Variants in BIRC6 observed in about 807,000 individuals in gnomAD.
BIRC6 encodes the protein baculoviral IAP repeat containing 6.
In BIRC6, 98 loss-of-function variants were observed where a neutral mutation model predicts 503.3. The ratio of observed to expected loss-of-function variants is 0.19; its 90% confidence interval spans 0.17 to 0.23. The LOEUF (loss-of-function observed/expected upper bound fraction) is 0.23, where lower values mean the gene tolerates loss of function less well. BIRC6 is among the 10% of genes least tolerant of loss of function. The pLI, the probability that BIRC6 is intolerant of heterozygous loss-of-function variation, is 1.00. For synonymous variants in BIRC6, 2,240 were observed against 2,078.7 expected (o/e 1.08, Z -2.11); for missense variants, 5,360 against 5,806.0 (o/e 0.92, Z 2.50).
intron 71 of BIRC6, among the ~76,000 whole-genome samples, chr2:32,606,185 T>C (rs1249423645): frequency 2.0e-5 from 3 of 152,228 alleles, no homozygotes; most frequent in East Asian, 1.9e-4. Flanking sequence ...CTGGAAGTAC[T>C]GTATTCGCTA....
chr2:32,558,955 C>T (rs967674411), intron 65 of BIRC6: 1 of 152,058 alleles, frequency 6.6e-6, no homozygotes. Flanking sequence ...ATATTTCCTC[C>T]AAAATGCTAA....
chr2:32,408,407 G>C (rs1558644657), intron 9 of BIRC6, among the ~76,000 whole-genome samples: 3 of 152,156 alleles, frequency 2.0e-5, no homozygotes, highest in Admixed American at 6.6e-5. Flanking sequence ...ACTGCGCCCG[G>C]CCAAGTTTTT....
intron 2 of BIRC6, chr2:32,379,287 C>A (rs2037281586): frequency 1.3e-5 from 2 of 152,084 alleles, no homozygotes; most frequent in Admixed American, 6.5e-5. Context: ...AAAAATTGAA[C>A]ATTTTTCCCT....
chr2:32,419,675 T>G (rs982633263), intron 10 of BIRC6, among the ~76,000 whole-genome samples: 1 of 152,096 alleles, frequency 6.6e-6, no homozygotes. Context: ...ATAGGGAACA[T>G]ATCATGAAAT....
intron 61 of BIRC6, among the ~76,000 whole-genome samples, chr2:32,535,799 A>G (rs1440965865): frequency 1.3e-5 from 2 of 152,252 alleles, no homozygotes; most frequent in Admixed American, 6.5e-5. Context: ...AGCATGATTT[A>G]TAATCCTTTG....
intron 5 of BIRC6, among the ~76,000 whole-genome samples, chr2:32,394,718 C>T (rs2039662013): frequency 6.6e-6 from 1 of 152,086 alleles, no homozygotes; most frequent in African/African-American, 2.4e-5. Flanking sequence ...TCTGTAGTTC[C>T]AGCTGGGGGG....
intron 61 of BIRC6, among the ~76,000 whole-genome samples, chr2:32,533,410 G>A (rs765177819): frequency 6.6e-6 from 1 of 152,206 alleles, no homozygotes; most frequent in Non-Finnish European, 1.5e-5. Flanking sequence ...ATAGTGAAAT[G>A]TGCGAGGAAA....
chr2:32,453,662 T>C (rs1231678972), intron 22 of BIRC6, 146 bp from the exon 23 acceptor site: 2 of 739,424 alleles, frequency 2.7e-6, no homozygotes. Context: ...GTTTTCTTAA[T>C]ACCATGCCCA....
intron 36 of BIRC6, among the ~76,000 whole-genome samples, chr2:32,479,148 TATAAC>T (rs1339717026): frequency 2.6e-5 from 4 of 152,246 alleles, no homozygotes; most frequent in Non-Finnish European, 5.9e-5. Context: ...TTTCTTCATA[TATAAC>T]ATAAGGATAA....
At position 32,491,193 on chromosome 2, in the gene BIRC6, A is replaced by T. The variant is rs529694669; in HGVS notation, c.8207-232A>T. On this transcript the variant is annotated intron_variant, in intron 43 of 73. Transcript: ENST00000421745. ...TTTCTGTTTGACTGTACTAAATAAG[A>T]TGTACATTAAGCTCGAGGTGTTTTC... is the stretch of plus-strand genomic sequence containing the variant. Among the ~76,000 whole-genome samples, 10 of 152,328 alleles carry T rather than the reference A, an allele frequency of 6.6e-5. No homozygotes were observed. In the South Asian group the frequency reaches 2.1e-3, roughly 32 times the overall value.
At chr2:32,539,979 A>G (rs951233226) in intron 61 of BIRC6, among the ~76,000 whole-genome samples, 3 of 152,118 alleles carry the variant, frequency 2.0e-5, no homozygotes, top group East Asian at 1.9e-4. Context: ...TATAATTTCT[A>G]TAGAATAAAA....
chr2:32,461,002 CTTCTCT>C (rs1420372518), intron 23 of BIRC6, among the ~76,000 whole-genome samples: 376 of 21,646 alleles, frequency 0.017, no homozygotes, highest in Admixed American at 0.028. Flanking sequence ...GCTCTGCTCT[CTTCTCT>C]TCTCTTCTCT....
chr2:32,363,332 AC>A (rs141982569), intron 1 of BIRC6, among the ~76,000 whole-genome samples: 2,453 of 152,254 alleles, frequency 0.016, 50 homozygotes, highest in African/African-American at 0.057. Context: ...AAACAAACAA[AC>A]AAAAACAAGA....
chr2:32,584,962 G>GAAA (rs538576342), intron 66 of BIRC6, among the ~76,000 whole-genome samples: 1 of 151,990 alleles, frequency 6.6e-6, no homozygotes, highest in African/African-American at 2.4e-5. Context: ...CTTTCTGGCA[G>GAAA]AAAAAAATAT....
chr2:32,573,105 C>T (rs1345879111), intron 65 of BIRC6, among the ~76,000 whole-genome samples: 2 of 152,152 alleles, frequency 1.3e-5, no homozygotes, highest in African/African-American at 2.4e-5. Flanking sequence ...TCATGTCCTT[C>T]GCCTAGAATG....
chr2:32,514,666 GA>G (rs1330566853), intron 54 of BIRC6, among the ~76,000 whole-genome samples: 2 of 152,124 alleles, frequency 1.3e-5, no homozygotes, highest in Non-Finnish European at 2.9e-5. Flanking sequence ...TGTTTGGCAT[GA>G]TTTTTTTGTT....
chr2:32,471,278 A>G (rs906976688), intron 32 of BIRC6, 154 bp downstream of exon 32: 30 of 537,522 alleles, frequency 5.6e-5, no homozygotes, highest in Non-Finnish European at 6.9e-5. Context: ...GAACTTCACT[A>G]CAATTCTGTT....
chr2:32,536,738 G>C (rs180981323), intron 61 of BIRC6, among the ~76,000 whole-genome samples: 1 of 152,174 alleles, frequency 6.6e-6, no homozygotes, highest in Non-Finnish European at 1.5e-5. Flanking sequence ...GTCAGGTAGC[G>C]TGATGTCTCC....
chr2:32,583,847 C>G (rs1385489484), intron 66 of BIRC6, among the ~76,000 whole-genome samples: 2 of 152,192 alleles, frequency 1.3e-5, no homozygotes, highest in East Asian at 3.9e-4. Context: ...TTTTCTACCT[C>G]AGCCTCCCAA....
Sources: gnomAD v4.1 joint callset for allele counts (sites outside exome capture counted in the v4.1 genomes callset) on GRCh38, gnomAD v4.1.1 for gene constraint, MANE v1.5 for transcripts, NCBI Gene and HGNC (gene_info 2026-07-23, HGNC 2026-07-21) for gene names.